Variants in CTNNBL1 observed in about 807,000 individuals in gnomAD.
CTNNBL1 encodes catenin beta like 1.
CTNNBL1 carries 31 observed loss-of-function variants against 72.7 expected under a neutral mutation model. The ratio of observed to expected loss-of-function variants is 0.43; its 90% CI spans 0.32 to 0.58. CTNNBL1 has a LOEUF of 0.58. Ranked by LOEUF, CTNNBL1 falls within the 20% of genes least tolerant of loss-of-function variation. The probability of loss-of-function intolerance (pLI) is 0.08; values close to 1 mark genes in which losing one functional copy is unlikely to be tolerated. For missense variants in CTNNBL1, 534 were observed against 725.1 expected, an observed-to-expected ratio of 0.74 and a Z score of 3.03; for synonymous variants, 240 against 267.3, an observed-to-expected ratio of 0.90 and a Z score of 1.00.
intron 10 of CTNNBL1, among the ~76,000 whole-genome samples, chr20:37,797,395 A>G (rs940080380): frequency 1.3e-5 from 2 of 151,342 alleles, no homozygotes; most frequent in African/African-American, 4.9e-5. Context: ...TTGTCCAGGA[A>G]AGGAGAGGGT....
intron 15 of CTNNBL1, among the ~76,000 whole-genome samples, chr20:37,860,836 T>C (rs1045755719): frequency 1.3e-5 from 2 of 152,350 alleles, no homozygotes; most frequent in South Asian, 2.1e-4. Flanking sequence ...TATATTGTTA[T>C]AATTGTTCTG....
intron 9 of CTNNBL1, 92 bp from the exon 10 acceptor site, chr20:37,779,095 T>A: frequency 7.7e-7 from 1 of 1,292,680 alleles, no homozygotes; most frequent in Non-Finnish European, 1.1e-6. Flanking sequence ...GTCGTAGAGT[T>A]ATGACCCACA....
intron 1 of CTNNBL1, among the ~76,000 whole-genome samples, chr20:37,731,577 C>G (rs924217098): frequency 6.6e-6 from 1 of 152,180 alleles, no homozygotes; most frequent in African/African-American, 2.4e-5. Flanking sequence ...CCCTCCGTCT[C>G]CCTTCCTCCC....
chr20:37,704,305 C>T (rs1384682923), intron 1 of CTNNBL1, among the ~76,000 whole-genome samples: 1 of 152,214 alleles, frequency 6.6e-6, no homozygotes, highest in African/African-American at 2.4e-5. Context: ...AAGACACAAG[C>T]AGCTCTACTG....
chr20:37,868,003 A>G (rs2344914), intron 15 of CTNNBL1, among the ~76,000 whole-genome samples: 113,672 of 151,672 alleles, frequency 0.75, 42,749 homozygotes, highest in East Asian at 0.85. Context: ...TGGCCGGCTC[A>G]CTGTGGGACC....
chr20:37,799,420 G>A (rs898339068), intron 10 of CTNNBL1, among the ~76,000 whole-genome samples: 33 of 152,086 alleles, frequency 2.2e-4, no homozygotes, highest in African/African-American at 8.0e-4. Flanking sequence ...TGGCTGGCAC[G>A]CTCCTACAGG....
chr20:37,862,612 G>A (rs2072500415), intron 15 of CTNNBL1, among the ~76,000 whole-genome samples: 1 of 152,144 alleles, frequency 6.6e-6, no homozygotes, highest in Admixed American at 6.5e-5. Flanking sequence ...GTGAGTGCCT[G>A]GGCAAGCGAG....
At chr20:37,865,874 T>C (rs992908195) in intron 15 of CTNNBL1, among the ~76,000 whole-genome samples, 34 of 152,252 alleles carry the variant, frequency 2.2e-4, no homozygotes, top group African/African-American at 8.0e-4. Context: ...GAAACTTAAA[T>C]GCTTTTAGAA....
intron 11 of CTNNBL1, 69 bp from the exon 12 acceptor site, chr20:37,840,033 G>A (rs1397002912): frequency 1.1e-5 from 12 of 1,122,568 alleles, no homozygotes; most frequent in Non-Finnish European, 1.4e-5. Flanking sequence ...AGAACCAGAC[G>A]AGGCTTGAAG....
rs922985067 is a variant in CTNNBL1 at position 37,694,033 on chromosome 20, C to G, written c.-90C>G. The G allele has an allele frequency of 3.2e-5, 47 of 1,464,014 alleles. No homozygotes were observed. Among genetic ancestry groups the G allele is most frequent in the Middle Eastern group, 1.8e-4 (1 of 5,650 alleles). 90.7% of individuals were successfully genotyped at this position (1,464,014 alleles called of 1,614,324 possible). The stretch of plus-strand genomic sequence containing the variant: ...TGGCTCTGCGGCTCCGCTCGCCGCA[C>G]TTTACGGCAGTGTGGCTGGAGCCGC... On this transcript the variant is annotated 5_prime_UTR_variant, in exon 1 of 16. Transcript: ENST00000361383.
intron 3 of CTNNBL1, chr20:37,744,556 C>G (rs946933333): frequency 1.3e-5 from 2 of 152,122 alleles, no homozygotes; most frequent in East Asian, 3.9e-4. Flanking sequence ...TAAGCTTAAT[C>G]GGCCACACCC....
In CTNNBL1 at chr20:37,771,359, A is replaced by C. The variant is rs143788349; in HGVS notation, c.750+3315A>C. ...ACTCTCACTAAGATCCACTTGTCTC[A>C]GGAAATGTGGACCTTCTTGTTAACC... On this transcript the variant is annotated intron_variant, in intron 7 of 15. Coordinates refer to ENST00000361383, the MANE Select transcript of CTNNBL1 (RefSeq NM_030877.5). Among the ~76,000 whole-genome samples, 494 of 152,294 alleles carry C rather than the reference A, an allele frequency of 3.2e-3. 7 individuals are homozygous for C. Among genetic ancestry groups the C allele is most frequent in the African/African-American group, 0.011 (445 of 41,560 alleles).
intron 10 of CTNNBL1, among the ~76,000 whole-genome samples, chr20:37,790,741 A>G (rs553517205): frequency 1.3e-5 from 2 of 152,364 alleles, no homozygotes; most frequent in African/African-American, 4.8e-5. Flanking sequence ...GAGCCCTGCC[A>G]TCAGACCTCA....
intron 11 of CTNNBL1, among the ~76,000 whole-genome samples, chr20:37,824,707 C>T (rs557511976): frequency 6.6e-6 from 1 of 152,220 alleles, no homozygotes; most frequent in African/African-American, 2.4e-5. Flanking sequence ...TTCTGTCATT[C>T]TATTCTGCCA....
At chr20:37,737,357 G>T in intron 2 of CTNNBL1, 21 bp from the exon 3 acceptor site, 3 of 1,575,940 alleles carry the variant, frequency 1.9e-6, no homozygotes. Context: ...TGAAGTTTTT[G>T]CATTTGTCTC....
At chr20:37,757,757 A>AAGGCTGGAGTGTGGTG in intron 5 of CTNNBL1, 101 bp downstream of exon 5, 2 of 781,656 alleles carry the variant, frequency 2.6e-6, no homozygotes, top group South Asian at 3.2e-5. Flanking sequence ...ACTCCACGGC[A>AAGGCTGGAGTGTGGTG]AGGCTGGAGT....
intron 10 of CTNNBL1, among the ~76,000 whole-genome samples, chr20:37,797,662 C>T (rs372071125): frequency 4.6e-5 from 7 of 152,164 alleles, no homozygotes; most frequent in Middle Eastern, 3.2e-3. Flanking sequence ...TTCGCACCCC[C>T]GCCTTTCTTA....
In CTNNBL1 at chr20:37,694,143, G is replaced by T; in HGVS notation, c.21G>T (p.Leu7=). 1 of 1,601,442 alleles carries T rather than the reference G, an allele frequency of 6.2e-7. No homozygotes were observed. Residue 7 remains leucine, a synonymous_variant, in exon 1 of 16, where the codon CTG becomes CTT. Transcript: ENST00000361383. Reference sequence around the variant, plus strand: ...GTACCATGGACGTGGGCGAACTTCTGAGCTACCAGGTATGAGGGGCAGGGA... The same window carrying T: ...GTACCATGGACGTGGGCGAACTTCTTAGCTACCAGGTATGAGGGGCAGGGA... MDVGEL[L]SYQPNRGTKR...
intron 1 of CTNNBL1, among the ~76,000 whole-genome samples, chr20:37,704,435 C>T (rs2072868562): frequency 6.6e-6 from 1 of 152,048 alleles, no homozygotes; most frequent in Non-Finnish European, 1.5e-5. Flanking sequence ...ACTTTGTTGA[C>T]AGGGTGTAGT....
Sources: gnomAD v4.1 joint callset for allele counts (sites outside exome capture counted in the v4.1 genomes callset) on GRCh38, gnomAD v4.1.1 for gene constraint, MANE v1.5 for transcripts, NCBI Gene and HGNC (gene_info 2026-07-23, HGNC 2026-07-21) for gene names.